The following FOXN1 variants were observed in gnomAD, a reference collection of about 807,000 sequenced individuals.
FOXN1 encodes the protein forkhead box N1, also known as forkhead box protein N1.
A neutral mutation model predicts 49.0 loss-of-function variants in FOXN1; 15 were observed. The ratio of observed to expected loss-of-function variants is 0.31; its 90% CI spans 0.20 to 0.47. FOXN1 has a LOEUF of 0.47. Among genes scored for constraint, FOXN1 ranks in the 20% least tolerant of loss-of-function variants. The pLI is 1.00. For missense variants in FOXN1, 800 were observed against 842.8 expected (o/e 0.95, Z 0.63); for synonymous variants, 356 against 369.0 (o/e 0.96, Z 0.40).
chr17:28,522,507 C>T (rs919836290), intron 1 of FOXN1, among the ~76,000 whole-genome samples: 1 of 152,104 alleles, frequency 6.6e-6, no homozygotes, highest in Admixed American at 6.5e-5. Context: ...ATTAGCCAGG[C>T]ATGGTGGCAT....
intron 1 of FOXN1, among the ~76,000 whole-genome samples, chr17:28,514,713 C>T (rs185140212): frequency 1.3e-5 from 2 of 152,136 alleles, no homozygotes; most frequent in South Asian, 2.1e-4. Context: ...GGAACTGAGC[C>T]GTCCCCACCT....
Position 28,537,299 on chromosome 17 carries a change from G to A in FOXN1, c.1810G>A (p.Gly604Ser). Residue 604 changes from glycine (G) to serine (S), a missense_variant, in exon 9 of 9, where the codon GGC becomes AGC. Transcript: ENST00000579795. Reference protein sequence around the residue: ...AGDLAAPGSGGSGALGDLHLT... With the variant: ...AGDLAAPGSGSSGALGDLHLT... Reference sequence around the variant, plus strand: ...TGACTTGGCAGCCCCGGGCAGTGGTGGCTCCGGGGCACTGGGTGACCTGCA... The same window carrying A: ...TGACTTGGCAGCCCCGGGCAGTGGTAGCTCCGGGGCACTGGGTGACCTGCA... 6.2e-7 allele frequency: 1 copy of A among 1,613,826 alleles called. No homozygotes were observed. The highest frequency in any genetic ancestry group is 8.5e-7 in the Non-Finnish European group (1 of 1,179,874).
rs73989127 is a variant in FOXN1 at position 28,525,133 on chromosome 17, C to T, written c.588+166C>T. Among the ~76,000 whole-genome samples, 4,214 of 152,126 alleles carry T rather than the reference C, an allele frequency of 0.028. 189 individuals are homozygous for T. The highest frequency in any genetic ancestry group is 0.096 in the African/African-American group (3,989 of 41,482). ...CTGGTCAGCTGGGGAGGGGTGTTGG[C>T]CTGGCCAGCATGGAGGGGGGCAAGT... On this transcript the variant is annotated intron_variant, in intron 3 of 8. Transcript: ENST00000579795.
At chr17:28,529,946 G>A (rs865783787) in intron 5 of FOXN1, among the ~76,000 whole-genome samples, 1 of 151,540 alleles carries the variant, frequency 6.6e-6, no homozygotes, top group South Asian at 2.1e-4. Context: ...AAGACCAGCT[G>A]TGGAACTGAC....
intron 1 of FOXN1, among the ~76,000 whole-genome samples, chr17:28,520,850 G>A (rs1202597734): frequency 6.6e-5 from 10 of 152,192 alleles, no homozygotes; most frequent in African/African-American, 2.4e-4. Flanking sequence ...GGGGAGCAGT[G>A]CTGGGGTCTG....
At position 28,524,632 on chromosome 17, in the gene FOXN1, G is replaced by C. The variant is rs752348608; in HGVS notation, c.253G>C (p.Gly85Arg). Residue 85 changes from glycine to arginine, a missense_variant, in exon 3 of 9, where the codon GGC becomes CGC. By Grantham distance (125) the Gly-to-Arg change is moderately radical. This residue lies in a region of FOXN1 where 383 missense variants were observed against 357.9 expected (regional missense o/e 1.07). Transcript: ENST00000579795. ...PEQVQGHCPA[G>R]PGPGPFRLSP... ...GCAAGTCCAGGGCCACTGCCCAGCC[G>C]GCCCCGGCCCTGGGCCCTTCAGGCT... 1 of 1,613,650 alleles carries C rather than the reference G, an allele frequency of 6.2e-7. No individual in the cohort carries two copies. Among genetic ancestry groups the C allele is most frequent in the Non-Finnish European group, 8.5e-7 (1 of 1,179,976 alleles).
chr17:28,530,953 C>T lies in FOXN1; in HGVS notation c.927+108C>T. 38 of 744,882 alleles carry T rather than the reference C, an allele frequency of 5.1e-5. 1 individual carries two copies. In the South Asian group the frequency reaches 5.3e-4, roughly 10 times the overall value. 46.1% of individuals were successfully genotyped at this position (744,882 alleles called of 1,614,324 possible). On this transcript the variant is annotated intron_variant, in intron 6 of 8. Coordinates refer to ENST00000579795, the MANE Select transcript of FOXN1 (RefSeq NM_001369369.1). ...GGTGGGAGAAGAATTAGAACGAAAG[C>T]CAGGAGAGGGCTTACCCCCACCATG...
intron 1 of FOXN1, among the ~76,000 whole-genome samples, chr17:28,521,647 G>T (rs1464552656): frequency 1.3e-5 from 2 of 152,232 alleles, no homozygotes; most frequent in Admixed American, 1.3e-4. Context: ...GGGTGGTGGG[G>T]ACTCTTGAAG....
chr17:28,531,982 T>C (rs1044341969), intron 6 of FOXN1, among the ~76,000 whole-genome samples: 1 of 152,090 alleles, frequency 6.6e-6, no homozygotes, highest in African/African-American at 2.4e-5. Context: ...GAGTCGTCCC[T>C]GGAATTCAAG....
chr17:28,533,185 C>T (rs932071408), intron 6 of FOXN1, among the ~76,000 whole-genome samples: 2 of 152,126 alleles, frequency 1.3e-5, no homozygotes, highest in South Asian at 2.1e-4. Context: ...AAGGAGTGGC[C>T]GCCCCTCATT....
chr17:28,514,703 G>A (rs1164678142), intron 1 of FOXN1, among the ~76,000 whole-genome samples: 2 of 152,164 alleles, frequency 1.3e-5, no homozygotes, highest in African/African-American at 4.8e-5. Context: ...CCATTAAGGT[G>A]GAACTGAGCC....
At chr17:28,511,679 G>A (rs1389655046) in intron 1 of FOXN1, among the ~76,000 whole-genome samples, 1 of 152,010 alleles carries the variant, frequency 6.6e-6, no homozygotes, top group Admixed American at 6.5e-5. Flanking sequence ...GCAAAGATGA[G>A]GACTCCATTT....
At chr17:28,528,968 G>A (rs553769726) in intron 4 of FOXN1, 126 bp from the exon 5 acceptor site, 54 of 1,248,510 alleles carry the variant, frequency 4.3e-5, no homozygotes, top group Middle Eastern at 2.6e-4. Flanking sequence ...GGGTGATGGG[G>A]CCCATGACCC....
chr17:28,527,993 G>A (rs528845025), intron 4 of FOXN1, among the ~76,000 whole-genome samples: 132 of 152,358 alleles, frequency 8.7e-4, no homozygotes, highest in African/African-American at 2.9e-3. Flanking sequence ...CCCCAGAGCA[G>A]CCAGGCAGCT....
chr17:28,528,561 C>T (rs980711531), intron 4 of FOXN1, among the ~76,000 whole-genome samples: 6 of 152,078 alleles, frequency 3.9e-5, no homozygotes, highest in Non-Finnish European at 5.9e-5. Context: ...AGTCTCCTAC[C>T]CCCATCCCCC....
intron 8 of FOXN1, among the ~76,000 whole-genome samples, chr17:28,536,855 C>T (rs955200929): frequency 1.3e-5 from 2 of 152,146 alleles, no homozygotes; most frequent in Admixed American, 1.3e-4. Context: ...GCATCAACCC[C>T]TCCCCAATGC....
chr17:28,507,100 G>T (rs1428803124), intron 1 of FOXN1, among the ~76,000 whole-genome samples: 1 of 152,138 alleles, frequency 6.6e-6, no homozygotes, highest in East Asian at 1.9e-4. Context: ...TTTCTCTCCC[G>T]CAAGACCCCT....
At chr17:28,512,050 C>A (rs538699270) in intron 1 of FOXN1, among the ~76,000 whole-genome samples, 115 of 152,248 alleles carry the variant, frequency 7.6e-4, no homozygotes, top group Middle Eastern at 3.4e-3. Flanking sequence ...ACTTCCGGGC[C>A]ACAGGGACCC....
In FOXN1 at chr17:28,537,248, C is replaced by G. The variant is rs549453569; in HGVS notation, c.1759C>G (p.Leu587Val). The G allele has an allele frequency of 1.9e-6, 3 of 1,614,064 alleles. No individual in the cohort carries two copies. In the South Asian group the frequency reaches 3.3e-5, roughly 18 times the overall value. The change falls in exon 9 of 9, where the codon CTG becomes GTG. Residue 587 changes from leucine (L) to valine (V), a missense_variant. Leu to Val is a conservative substitution (Grantham distance 32, BLOSUM62 1). This residue lies in a region of FOXN1 where 344 missense variants were observed against 366.1 expected (regional missense o/e 0.94). Coordinates refer to ENST00000579795, the MANE Select transcript of FOXN1 (RefSeq NM_001369369.1). ...TCACTGCTTCCCCCCTGGGCCCTGT[C>G]TGACAGAGACAGGCAGTGGGGCAGG... ...PPHCFPPGPC[L>V]TETGSGAGDL...
Sources: gnomAD v4.1 joint callset for allele counts (sites outside exome capture counted in the v4.1 genomes callset) on GRCh38, gnomAD v4.1.1 for gene constraint, gnomAD v4.1.1 regional missense constraint, MANE v1.5 for transcripts, NCBI Gene and HGNC (gene_info 2026-07-23, HGNC 2026-07-21) for gene names.